The following MAST2 variants were observed in gnomAD, a reference collection of about 807,000 sequenced individuals.
MAST2 encodes microtubule associated serine/threonine kinase 2, also known as microtubule-associated serine/threonine-protein kinase 2.
A neutral mutation model predicts 147.4 loss-of-function variants in MAST2; 70 were observed. The ratio of observed to expected loss-of-function variants is 0.47; its 90% CI spans 0.39 to 0.58. MAST2 has a LOEUF of 0.58. MAST2 is among the 20% of genes least tolerant of loss of function. MAST2 has a pLI of 0.00. For synonymous variants in MAST2, 869 were observed against 896.8 expected, an observed-to-expected ratio of 0.97 and a Z score of 0.55; for missense variants, 2,080 against 2,302.3, an observed-to-expected ratio of 0.90 and a Z score of 1.98.
At chr1:46,030,295 G>A (rs1222211942) in intron 21 of MAST2, 57 bp downstream of exon 21, 10 of 1,537,250 alleles carry the variant, frequency 6.5e-6, no homozygotes, top group African/African-American at 1.4e-5. Context: ...GAAGAAGAGG[G>A]CCTGTCAAAG....
chr1:45,813,227 T>C (rs1017796618), intron 1 of MAST2, among the ~76,000 whole-genome samples: 2 of 152,168 alleles, frequency 1.3e-5, no homozygotes, highest in Non-Finnish European at 2.9e-5. Flanking sequence ...TAGATGGAAC[T>C]ATTCATTTTC....
Position 46,031,201 on chromosome 1 carries a change from G to GTACC in MAST2, c.2903_2904insTACC (p.Val969ThrfsTer8), listed in dbSNP as rs754995251. 8.9e-6 allele frequency: 14 copies of GTACC among 1,565,888 alleles called. No homozygotes were observed. The highest frequency in any genetic ancestry group is 7.4e-5 in the Admixed American group (4 of 54,114). Reference sequence around the variant, plus strand: ...GTCCTGACACCCCCATCTGGAGAGGGGGTATCTGGGCCTGTCACTGAACAC... The same window carrying GTACC: ...GTCCTGACACCCCCATCTGGAGAGGGTACCGGTATCTGGGCCTGTCACTGAACAC... On this transcript the variant is annotated frameshift_variant, in exon 23 of 29. Transcript: ENST00000361297. LOFTEE classifies it high-confidence loss of function. This position sits in a 1 kb window ranked among gnomAD's most constrained non-coding sequence, Gnocchi z 4.1.
At chr1:45,963,048 A>G (rs1418360579) in intron 5 of MAST2, among the ~76,000 whole-genome samples, 1 of 152,090 alleles carries the variant, frequency 6.6e-6, no homozygotes, top group African/African-American at 2.4e-5. Context: ...TGTTTTTGTC[A>G]GGTTTGTCAA....
Position 46,019,705 on chromosome 1 carries a change from G to T in MAST2, c.1290+8G>T. ...CGTCTCCTGGAATGCCTGGTGAGTG[G>T]ACTCTAGGAAAGTCAGGTGGGCAGA... On this transcript the variant is annotated splice_region_variant and intron_variant, in intron 11 of 28. Coordinates refer to ENST00000361297, the MANE Select transcript of MAST2 (RefSeq NM_015112.3). 1 of 1,613,274 alleles carries T rather than the reference G, an allele frequency of 6.2e-7. No homozygotes were observed. Among genetic ancestry groups the T allele is most frequent in the South Asian group, 1.1e-5 (1 of 91,058 alleles).
chr1:45,896,684 C>G (rs995432819), intron 4 of MAST2, among the ~76,000 whole-genome samples: 1 of 152,190 alleles, frequency 6.6e-6, no homozygotes, highest in African/African-American at 2.4e-5. Context: ...AGCCAACATT[C>G]TAACAAAAGA....
intron 3 of MAST2, among the ~76,000 whole-genome samples, chr1:45,836,071 A>G (rs1436180123): frequency 6.6e-6 from 1 of 152,162 alleles, no homozygotes; most frequent in Non-Finnish European, 1.5e-5. Context: ...ATTTGTGTAC[A>G]TGAATTTGTT....
rs568704494 is a variant in MAST2, at chr1:45,839,005, A to G, written c.468+9424A>G. The stretch of plus-strand genomic sequence containing the variant: ...TTTTTTTCCTTTGAGACAGGGTCTC[A>G]CTCTGTCATCCAGGCTGGAGTATAG... On this transcript the variant is annotated intron_variant, in intron 3 of 28. Transcript: ENST00000361297. 6.7e-4 allele frequency among the ~76,000 whole-genome samples: 101 copies of G among 151,584 alleles called. 1 individual carries two copies. The highest frequency in any genetic ancestry group is 2.3e-3 in the African/African-American group (95 of 41,298).
At chr1:46,006,423 A>C (rs1645488918) in intron 8 of MAST2, 28 bp downstream of exon 8, 1 of 1,599,006 alleles carries the variant, frequency 6.3e-7, no homozygotes, top group Admixed American at 1.7e-5. Flanking sequence ...CCACTGTTCC[A>C]GTGCATGTGG....
intron 3 of MAST2, among the ~76,000 whole-genome samples, chr1:45,839,367 A>G (rs1354353546): frequency 6.6e-6 from 1 of 151,928 alleles, no homozygotes; most frequent in Non-Finnish European, 1.5e-5. Flanking sequence ...TGACCTCGTG[A>G]TCTGCCCGCC....
intron 4 of MAST2, among the ~76,000 whole-genome samples, chr1:45,904,211 C>T (rs980471335): frequency 1.3e-5 from 2 of 149,242 alleles, no homozygotes; most frequent in East Asian, 2.0e-4. Context: ...TTACTCTTGT[C>T]CCCCAGGCTG....
intron 5 of MAST2, among the ~76,000 whole-genome samples, chr1:45,976,719 T>C (rs1644175173): frequency 6.6e-6 from 1 of 152,216 alleles, no homozygotes; most frequent in Admixed American, 6.5e-5. Context: ...TAAGAGGCCA[T>C]TGCCATTATC....
In MAST2 at chr1:46,030,237, A is replaced by C. The variant is rs1292409800; in HGVS notation, c.2552A>C (p.Lys851Thr). ...TCTTCCTGCTCTCCAAGGTTCAACA[A>C]GGTGTGACTGAGGAGGCCCAGAATG... ...QFSSCSPRFN[K>T]VYSSMERLSL... Residue 851 changes from lysine (K) to threonine (T), a missense_variant and splice_region_variant, in exon 21 of 29, where the codon AAG (lysine) becomes ACG (threonine). Lys to Thr is a moderately conservative substitution (Grantham distance 78). Transcript: ENST00000361297. 6.2e-7 allele frequency: 1 copy of C among 1,613,890 alleles called. No homozygotes were observed. The highest frequency in any genetic ancestry group is 8.5e-7 in the Non-Finnish European group (1 of 1,179,856).
intron 4 of MAST2, among the ~76,000 whole-genome samples, chr1:45,887,337 G>T (rs1253634218): frequency 6.6e-6 from 1 of 152,212 alleles, no homozygotes; most frequent in African/African-American, 2.4e-5. Context: ...CAGACTGTAG[G>T]AGTGGAGAGG....
At chr1:46,030,872 A>G (rs959343914) in intron 22 of MAST2, 111 bp downstream of exon 22, 13 of 1,470,128 alleles carry the variant, frequency 8.8e-6, no homozygotes, top group Non-Finnish European at 1.2e-5. Context: ...GGGAGGGGGC[A>G]TTCACAAGGG....
chr1:45,974,655 G>C (rs1644061404), intron 5 of MAST2, among the ~76,000 whole-genome samples: 1 of 152,220 alleles, frequency 6.6e-6, no homozygotes, highest in Non-Finnish European at 1.5e-5. Flanking sequence ...TGAGCCTGAA[G>C]AGAGAGGATA....
At chr1:45,946,069 C>G (rs1216677699) in intron 4 of MAST2, among the ~76,000 whole-genome samples, 1 of 152,224 alleles carries the variant, frequency 6.6e-6, no homozygotes, top group African/African-American at 2.4e-5. Context: ...TCTCCAGTCT[C>G]TCCCATTCAT....
At chr1:45,813,156 CTG>C (rs1237568027) in intron 1 of MAST2, among the ~76,000 whole-genome samples, 1 of 152,048 alleles carries the variant, frequency 6.6e-6, no homozygotes, top group African/African-American at 2.4e-5. Flanking sequence ...ATGTAAATAA[CTG>C]TTACACTCTA....
intron 4 of MAST2, among the ~76,000 whole-genome samples, chr1:45,905,507 G>A (rs909818219): frequency 6.6e-6 from 1 of 152,130 alleles, no homozygotes; most frequent in Non-Finnish European, 1.5e-5. Flanking sequence ...GGCTGTGCGC[G>A]GTGGCTCACG....
chr1:45,833,720 GTCT>G (rs924945553), intron 3 of MAST2, among the ~76,000 whole-genome samples: 1 of 152,080 alleles, frequency 6.6e-6, no homozygotes, highest in Non-Finnish European at 1.5e-5. Flanking sequence ...ACATTTGTTT[GTCT>G]TCTTTGAAGA....
Sources: gnomAD v4.1 joint callset for allele counts (sites outside exome capture counted in the v4.1 genomes callset) on GRCh38, gnomAD v4.1.1 for gene constraint, Gnocchi (gnomAD v3.1) non-coding constraint, MANE v1.5 for transcripts, NCBI Gene and HGNC (gene_info 2026-07-23, HGNC 2026-07-21) for gene names.